Variants in RAPGEF3 observed in about 807,000 individuals in gnomAD.
The protein encoded by RAPGEF3 is 9330170P05Rik.
Under a neutral mutation model 129.8 loss-of-function variants are expected in RAPGEF3, and 103 were observed. The ratio of observed to expected loss-of-function variants is 0.79; its 90% CI spans 0.68 to 0.93. RAPGEF3 has a LOEUF of 0.93. Ranked by LOEUF, RAPGEF3 falls within the 40% of genes least tolerant of loss-of-function variation. The pLI, the probability that RAPGEF3 is intolerant of heterozygous loss-of-function variation, is 0.00. For missense variants in RAPGEF3, 1,117 were observed against 1,207.4 expected (o/e 0.93, Z 1.11); for synonymous variants, 436 against 482.6 (o/e 0.90, Z 1.26).
chr12:47,758,764 G>A lies in RAPGEF3; in HGVS notation c.-208C>T, dbSNP rs910516284. ...GAGGCTCCTCTTGGGTGAGTAGAGG[G>A]GTGGGGGCGTGGTGGGGGGACGCCA... On this transcript the variant is annotated 5_prime_UTR_variant, in exon 1 of 28. Transcript: ENST00000449771. The A allele has an allele frequency of 4.5e-5, 56 of 1,247,906 alleles. No individual in the cohort carries two copies. Among genetic ancestry groups the A allele is most frequent in the African/African-American group, 9.2e-5 (6 of 64,882 alleles). 77.3% of individuals were successfully genotyped at this position (1,247,906 alleles called of 1,614,324 possible).
chr12:47,757,889 T>A lies in RAPGEF3; in HGVS notation c.196A>T (p.Ser66Cys). The A allele has an allele frequency of 2.6e-6, 4 of 1,555,752 alleles. No homozygotes were observed. Among genetic ancestry groups the A allele is most frequent in the Non-Finnish European group, 3.5e-6 (4 of 1,149,778 alleles). Residue 66 changes from serine to cysteine, a missense_variant, in exon 2 of 28, where the codon AGC becomes TGC. Ser to Cys is a moderately radical substitution (Grantham distance 112). Transcript: ENST00000449771. ...YQLLLEHQRP[S>C]CIQGLRWTPL... ...ACCCAGCGCAGCCCCTGGATGCAGC[T>A]CGGACGCTGGTGCTCCAGCAGCAGC...
chr12:47,751,805 C>A lies in RAPGEF3; in HGVS notation c.298G>T (p.Ala100Ser). Residue 100 changes from alanine (A) to serine (S), a missense_variant, in exon 4 of 28, where the codon GCT becomes TCT. Physicochemically the swap from Ala to Ser is moderately conservative, Grantham distance 99. Coordinates refer to ENST00000449771, the MANE Select transcript of RAPGEF3 (RefSeq NM_001098531.4). ...AGATGCCGATGCAGCTGCCTCCCAGCCCTGAGCACCCGCTCTGTGGAGGCC... is the reference window on the plus strand; with the variant it reads ...AGATGCCGATGCAGCTGCCTCCCAGACCTGAGCACCCGCTCTGTGGAGGCC... ...EQASTERVLR[A>S]GRQLHRHLLA... The A allele has an allele frequency of 6.2e-7, 1 of 1,614,162 alleles. No individual in the cohort carries two copies. The highest frequency in any genetic ancestry group is 8.5e-7 in the Non-Finnish European group (1 of 1,180,026).
chr12:47,747,427 G>T, intron 15 of RAPGEF3, 117 bp downstream of exon 15: 1 of 986,348 alleles, frequency 1.0e-6, no homozygotes, highest in Non-Finnish European at 1.5e-6. Flanking sequence ...ACAAGGAATT[G>T]AAGTAAGTGG....
intron 18 of RAPGEF3, among the ~76,000 whole-genome samples, chr12:47,743,034 G>A (rs1941246538): frequency 6.6e-6 from 1 of 152,206 alleles, no homozygotes; most frequent in African/African-American, 2.4e-5. Context: ...CAGTGTTCTT[G>A]TCTGAAAATA....
intron 11 of RAPGEF3, 66 bp downstream of exon 11, chr12:47,748,753 A>C: frequency 7.9e-7 from 1 of 1,272,560 alleles, no homozygotes; most frequent in Non-Finnish European, 1.1e-6. Context: ...GACACAGGGG[A>C]AGGGAGCAAA....
chr12:47,751,614 C>G (rs1466989410), intron 4 of RAPGEF3, 94 bp from the exon 5 acceptor site: 10 of 1,599,636 alleles, frequency 6.3e-6, no homozygotes, highest in African/African-American at 1.3e-5. Flanking sequence ...AGGCCCAAGC[C>G]TGGTTCGTCC....
At chr12:47,754,070 G>C (rs1697258014) in intron 2 of RAPGEF3, 1 of 152,252 alleles carries the variant, frequency 6.6e-6, no homozygotes, top group Non-Finnish European at 1.5e-5. Context: ...GCTGACCCCA[G>C]AGGTAGGTAT....
chr12:47,739,388 C>T (rs750003746), intron 23 of RAPGEF3, 158 bp from the exon 24 acceptor site: 24 of 719,076 alleles, frequency 3.3e-5, no homozygotes, highest in South Asian at 8.9e-5. Context: ...CTGTCACAGG[C>T]GAACACGGGG....
chr12:47,749,017 G>A lies in RAPGEF3; in HGVS notation c.1042-86C>T. Reference sequence around the variant, plus strand: ...CTACCTCCTTCATTCCAGCCCCTGAGCCCCATGAGGGTCCCACAGGGACCC... The same window carrying A: ...CTACCTCCTTCATTCCAGCCCCTGAACCCCATGAGGGTCCCACAGGGACCC... On this transcript the variant is annotated intron_variant, in intron 10 of 27. Coordinates refer to ENST00000449771, the MANE Select transcript of RAPGEF3 (RefSeq NM_001098531.4). The surrounding 1 kb of genome is among the most constrained non-coding windows in gnomAD (Gnocchi z 4.5). 1 of 1,179,260 alleles carries A rather than the reference G, an allele frequency of 8.5e-7. No individual in the cohort carries two copies. Among genetic ancestry groups the A allele is most frequent in the Non-Finnish European group, 1.3e-6 (1 of 796,834 alleles). The allele number at this position is 1,179,260 out of a possible 1,614,324, so 73.0% of individuals were successfully genotyped here. A position where few individuals can be genotyped will look rare whatever the true frequency, so the allele number is the denominator to read the frequency against.
At chr12:47,743,419 A>C in intron 18 of RAPGEF3, 111 bp downstream of exon 18, 1 of 1,386,856 alleles carries the variant, frequency 7.2e-7, no homozygotes. Context: ...CATCATTCAC[A>C]CTGAGGAAGA....
intron 13 of RAPGEF3, 81 bp from the exon 14 acceptor site, chr12:47,747,943 C>T: frequency 1.3e-6 from 2 of 1,589,454 alleles, no homozygotes; most frequent in South Asian, 2.2e-5. Context: ...GCCCAGGGCC[C>T]CTGGCAAGCT....
intron 16 of RAPGEF3, chr12:47,746,425 G>A: frequency 3.8e-6 from 2 of 527,320 alleles, no homozygotes; most frequent in Non-Finnish European, 6.6e-6. Flanking sequence ...TCCCCTCTTT[G>A]CTTCCCTTTA....
At chr12:47,755,108 C>T (rs978634871) in intron 2 of RAPGEF3, among the ~76,000 whole-genome samples, 6 of 152,228 alleles carry the variant, frequency 3.9e-5, no homozygotes, top group African/African-American at 1.4e-4. Flanking sequence ...TGTTACTGTT[C>T]GTAGCAAGAG....
Position 47,750,395 on chromosome 12 carries a change from G to T in RAPGEF3, c.702C>A (p.Asp234Glu). Residue 234 changes from aspartate to glutamate, a missense_variant, in exon 7 of 28, where the codon GAC becomes GAA. By Grantham distance (45) the Asp-to-Glu change is conservative. This residue lies in a region of RAPGEF3 where 367 missense variants were observed against 373.4 expected (regional missense o/e 0.98). Coordinates refer to ENST00000449771, the MANE Select transcript of RAPGEF3 (RefSeq NM_001098531.4). ...TGTGCAGCAGCTCCTCAAAGATGAG[G>T]TCCAGCTCTTCATCCGTGCGCTGAC... ...PPGQRTDEEL[D>E]LIFEELLHIK... 1.2e-6 allele frequency: 2 copies of T among 1,614,002 alleles called. No homozygotes were observed. The highest frequency in any genetic ancestry group is 1.7e-6 in the Non-Finnish European group (2 of 1,179,926).
At chr12:47,754,528 T>G (rs1372410929) in intron 2 of RAPGEF3, among the ~76,000 whole-genome samples, 2 of 152,196 alleles carry the variant, frequency 1.3e-5, no homozygotes, top group Non-Finnish European at 2.9e-5. Flanking sequence ...GAGCTCGTGC[T>G]GATTACTGAA....
chr12:47,755,673 C>A (rs141628519), intron 2 of RAPGEF3: 6 of 152,210 alleles, frequency 3.9e-5, no homozygotes, highest in African/African-American at 1.4e-4. Context: ...TACTGTAACC[C>A]GCTTTCATTT....
intron 7 of RAPGEF3, 26 bp downstream of exon 7, chr12:47,750,315 G>T (rs760681639): frequency 2.9e-5 from 47 of 1,600,454 alleles, no homozygotes; most frequent in Non-Finnish European, 3.9e-5. Flanking sequence ...CTGGTACGGG[G>T]CAGGGCTGGG....
At chr12:47,756,197 G>T (rs974211577) in intron 2 of RAPGEF3, 6 of 152,246 alleles carry the variant, frequency 3.9e-5, no homozygotes, top group Admixed American at 3.3e-4. Flanking sequence ...TGGAGAGTCA[G>T]GAGACAGCTT....
intron 1 of RAPGEF3, 177 bp from the exon 2 acceptor site, chr12:47,758,255 C>G (rs139570113): frequency 8.4e-6 from 12 of 1,432,602 alleles, no homozygotes; most frequent in African/African-American, 1.4e-5. Flanking sequence ...TGGGGCCTGC[C>G]GGTCTGGCGC....
Sources: allele counts gnomAD v4.1 joint callset (sites outside exome capture counted in the v4.1 genomes callset), GRCh38; gene constraint gnomAD v4.1.1; regional missense constraint gnomAD v4.1.1; non-coding constraint Gnocchi (gnomAD v3.1); transcripts MANE v1.5; gene names NCBI Gene and HGNC (gene_info 2026-07-23, HGNC 2026-07-21).